The following PTPRD variants were observed in gnomAD, a reference collection of about 807,000 sequenced individuals.
PTPRD encodes protein tyrosine phosphatase receptor type D.
Under a neutral mutation model 214.5 loss-of-function variants are expected in PTPRD, and 34 were observed. The observed-to-expected ratio is 0.16, with a 90% confidence interval of 0.12 to 0.21. The LOEUF (loss-of-function observed/expected upper bound fraction) is 0.21, where lower values mean the gene tolerates loss of function less well. PTPRD is among the 10% of genes least tolerant of loss of function. The probability of loss-of-function intolerance (pLI) is 1.00; values close to 1 mark genes in which losing one functional copy is unlikely to be tolerated. For synonymous variants in PTPRD, 1,128 were observed against 845.7 expected, an observed-to-expected ratio of 1.33 and a Z score of -5.79; for missense variants, 2,545 against 2,398.7, an observed-to-expected ratio of 1.06 and a Z score of -1.27.
At chr9:9,036,248 G>C (rs1164748509) in intron 10 of PTPRD, among the ~76,000 whole-genome samples, 12 of 149,136 alleles carry the variant, frequency 8.0e-5, no homozygotes, top group Admixed American at 8.0e-4. Context: ...ATGGAAACTA[G>C]GGATTTCCAG....
At chr9:10,540,501 T>C (rs1421106071) in intron 2 of PTPRD, among the ~76,000 whole-genome samples, 2 of 152,182 alleles carry the variant, frequency 1.3e-5, no homozygotes, top group Non-Finnish European at 2.9e-5. Context: ...CCTTTTCCCA[T>C]GTATAATTTG....
At chr9:9,823,068 T>C (rs1275107158) in intron 5 of PTPRD, among the ~76,000 whole-genome samples, 1 of 152,142 alleles carries the variant, frequency 6.6e-6, no homozygotes, top group Non-Finnish European at 1.5e-5. Context: ...AATCAAAATA[T>C]GTGTCCATCA....
chr9:8,946,950 C>G (rs946226848), intron 11 of PTPRD, among the ~76,000 whole-genome samples: 1 of 150,430 alleles, frequency 6.6e-6, no homozygotes, highest in African/African-American at 2.4e-5. Flanking sequence ...GCCTCTGCAT[C>G]TCTCTTCCTA....
chr9:10,370,475 A>G (rs775837991), intron 2 of PTPRD, among the ~76,000 whole-genome samples: 1 of 152,092 alleles, frequency 6.6e-6, no homozygotes, highest in Non-Finnish European at 1.5e-5. Flanking sequence ...TGTCAACCTG[A>G]AAATCAAACG....
intron 7 of PTPRD, among the ~76,000 whole-genome samples, chr9:9,600,849 G>C (rs1377284899): frequency 2.0e-5 from 3 of 152,018 alleles, no homozygotes; most frequent in Non-Finnish European, 4.4e-5. Flanking sequence ...CTGTGATAAG[G>C]ATGTGTCAAC....
chr9:9,237,534 A>G (rs1419156493), intron 9 of PTPRD, among the ~76,000 whole-genome samples: 1 of 152,174 alleles, frequency 6.6e-6, no homozygotes, highest in East Asian at 1.9e-4. Context: ...AAGTTTGGGT[A>G]GTAATTACCC....
intron 12 of PTPRD, among the ~76,000 whole-genome samples, chr9:8,718,006 A>C (rs1470961582): frequency 6.6e-6 from 1 of 152,236 alleles, no homozygotes; most frequent in African/African-American, 2.4e-5. Context: ...AAATGCCTGC[A>C]ACATAGTGAG....
At chr9:9,815,816 G>A (rs933967823) in intron 5 of PTPRD, among the ~76,000 whole-genome samples, 3 of 152,104 alleles carry the variant, frequency 2.0e-5, no homozygotes, top group Non-Finnish European at 4.4e-5. Flanking sequence ...AAGTTCTGGG[G>A]ATTTAATGTA....
intron 9 of PTPRD, among the ~76,000 whole-genome samples, chr9:9,238,997 C>T (rs527710160): frequency 6.6e-6 from 1 of 152,094 alleles, no homozygotes. Flanking sequence ...AGTCTAAAAT[C>T]TAGCCCACAG....
intron 8 of PTPRD, among the ~76,000 whole-genome samples, chr9:9,432,971 G>T (rs147303882): frequency 2.0e-5 from 3 of 152,194 alleles, no homozygotes; most frequent in East Asian, 1.9e-4. Flanking sequence ...TTCAGAGGCC[G>T]CTGAAATAGT....
intron 4 of PTPRD, among the ~76,000 whole-genome samples, chr9:9,997,066 C>G (rs1291210767): frequency 6.6e-6 from 1 of 152,058 alleles, no homozygotes; most frequent in African/African-American, 2.4e-5. Context: ...TAAACATAAT[C>G]CAAGACCTAA....
intron 2 of PTPRD, among the ~76,000 whole-genome samples, chr9:10,555,866 T>C (rs1401034090): frequency 1.3e-5 from 2 of 151,604 alleles, no homozygotes; most frequent in African/African-American, 2.4e-5. Flanking sequence ...TAAGAAAATA[T>C]CAAATTAGTG....
intron 5 of PTPRD, among the ~76,000 whole-genome samples, chr9:9,789,734 T>C (rs975274626): frequency 2.3e-5 from 3 of 129,408 alleles, no homozygotes; most frequent in African/African-American, 9.3e-5. Flanking sequence ...GAGGCAGAGC[T>C]TGCAGTGAGC....
intron 5 of PTPRD, among the ~76,000 whole-genome samples, chr9:9,895,997 C>T (rs1454761439): frequency 1.3e-5 from 2 of 151,900 alleles, no homozygotes; most frequent in African/African-American, 2.4e-5. Flanking sequence ...CTAAAGGGTC[C>T]GTTTGTCACA....
At chr9:8,627,416 C>G (rs1333395056) in intron 14 of PTPRD, among the ~76,000 whole-genome samples, 1 of 151,802 alleles carries the variant, frequency 6.6e-6, no homozygotes, top group African/African-American at 2.4e-5. Context: ...AGGTAAACAC[C>G]AAATTCCCTT....
At chr9:8,997,903 T>C (rs1481363271) in intron 11 of PTPRD, among the ~76,000 whole-genome samples, 1 of 152,100 alleles carries the variant, frequency 6.6e-6, no homozygotes, top group African/African-American at 2.4e-5. Context: ...TTCAATAGTC[T>C]GGATAGAAGA....
chr9:10,538,793 G>A (rs371090197), intron 2 of PTPRD, among the ~76,000 whole-genome samples: 2 of 152,012 alleles, frequency 1.3e-5, no homozygotes, highest in Non-Finnish European at 2.9e-5. Flanking sequence ...TTAAAATTAT[G>A]TTTTGAGTAT....
chr9:10,315,724 G>A (rs556607194), intron 3 of PTPRD, among the ~76,000 whole-genome samples: 58 of 151,914 alleles, frequency 3.8e-4, no homozygotes, highest in Non-Finnish European at 6.5e-4. Flanking sequence ...TTACAGTTCC[G>A]CAGGGCACAG....
At chr9:9,694,827 C>T (rs112077524) in intron 7 of PTPRD, among the ~76,000 whole-genome samples, 149 of 152,174 alleles carry the variant, frequency 9.8e-4, no homozygotes, top group African/African-American at 3.0e-3. Flanking sequence ...TTGTGGTGAA[C>T]GCTACCAGGC....
Sources: allele counts gnomAD v4.1 joint callset (sites outside exome capture counted in the v4.1 genomes callset), GRCh38; gene constraint gnomAD v4.1.1; transcripts MANE v1.5; gene names NCBI Gene and HGNC (gene_info 2026-07-23, HGNC 2026-07-21).